The following PMM1 variants were observed in gnomAD, a reference collection of about 807,000 sequenced individuals.
The protein encoded by PMM1 is brain glucose-1,6-bisphosphatase.
In PMM1, 25 loss-of-function variants were observed where a neutral mutation model predicts 34.0. The observed-to-expected ratio is 0.73, with a 90% CI of 0.54 to 1.03. PMM1 has a LOEUF of 1.03. PMM1 is among the 50% of genes least tolerant of loss of function. The probability of loss-of-function intolerance (pLI) is 0.00; values close to 1 mark genes in which losing one functional copy is unlikely to be tolerated. For synonymous variants in PMM1, 134 were observed against 143.9 expected (o/e 0.93, Z 0.49); for missense variants, 321 against 350.1 (o/e 0.92, Z 0.66).
intron 7 of PMM1, 73 bp downstream of exon 7, chr22:41,577,735 A>G (rs920819779): frequency 1.7e-6 from 2 of 1,166,304 alleles, no homozygotes; most frequent in African/African-American, 3.0e-5. Context: ...GGTGATTTGC[A>G]TTGGAGAAGC....
Position 41,577,295 on chromosome 22 carries a change from C to T in PMM1, c.*23G>A, listed in dbSNP as rs564743006. 4.4e-5 allele frequency: 71 copies of T among 1,612,426 alleles called. No individual in the cohort carries two copies. Among genetic ancestry groups the T allele is most frequent in the African/African-American group, 3.5e-4 (26 of 75,044 alleles). On this transcript the variant is annotated 3_prime_UTR_variant, in exon 8 of 8. Coordinates refer to ENST00000216259, the MANE Select transcript of PMM1 (RefSeq NM_002676.3). ...CCTAGGCCAAACTCTTCAGAAGTCA[C>T]GACACACAGATGTGGGCCCCGGTCA...
At chr22:41,589,055 C>T in intron 1 of PMM1, 1 of 1,295,224 alleles carries the variant, frequency 7.7e-7, no homozygotes, top group Non-Finnish European at 1.0e-6. Context: ...CTCTTACCCT[C>T]ACTATTCCTC....
chr22:41,589,017 C>T (rs2067346224), intron 1 of PMM1: 3 of 1,221,494 alleles, frequency 2.5e-6, no homozygotes, highest in Non-Finnish European at 3.3e-6. Flanking sequence ...AGGCTCAACA[C>T]AGCGAGAGTC....
chr22:41,587,564 T>C (rs2147018756), intron 1 of PMM1, among the ~76,000 whole-genome samples: 1 of 151,740 alleles, frequency 6.6e-6, no homozygotes, highest in East Asian at 1.9e-4. Context: ...GAGGCTGCAG[T>C]GAGCTGTGAT....
chr22:41,578,247 G>A (rs1015880779), intron 6 of PMM1, among the ~76,000 whole-genome samples: 3 of 152,170 alleles, frequency 2.0e-5, no homozygotes, highest in Admixed American at 2.0e-4. Flanking sequence ...GAGAACGAGC[G>A]TCCCAGCAAC....
rs1170302300 is a variant in PMM1 at position 41,581,232 on chromosome 22, G to A, written c.475-2351C>T. 2.6e-5 allele frequency among the ~76,000 whole-genome samples: 4 copies of A among 152,064 alleles called. No individual in the cohort carries two copies. In the South Asian group the frequency reaches 6.2e-4, roughly 24 times the overall value. On this transcript the variant is annotated intron_variant, in intron 5 of 7. Coordinates refer to ENST00000216259, the MANE Select transcript of PMM1 (RefSeq NM_002676.3). ...CCAGCTACTCAGGAGGCTGAGGCAG[G>A]AGAATTGCTTGAGCCTAGGCAGCGA... is the stretch of plus-strand genomic sequence containing the variant.
chr22:41,577,832 G>A lies in PMM1; in HGVS notation c.642C>T (p.His214=), dbSNP rs764511181. Residue 214 remains histidine (H), a synonymous_variant, in exon 7 of 8, where the codon CAC becomes CAT. Transcript: ENST00000216259. The part of the protein sequence containing the change: ...SLDQDSFDTI[H]FFGNETSPGG... ...CAGGGCTAGTCTCGTTCCCAAAGAAGTGGATGGTGTCGAAGCTGTCCTGGT... is the reference window on the plus strand; with the variant it reads ...CAGGGCTAGTCTCGTTCCCAAAGAAATGGATGGTGTCGAAGCTGTCCTGGT... The A allele has an allele frequency of 3.1e-6, 5 of 1,613,404 alleles. No homozygotes were observed. The South Asian group carries it at 4.4e-5, about 14-fold the overall frequency.
Position 41,577,328 on chromosome 22 carries a change from T to G in PMM1, c.779A>C (p.His260Pro). 6.2e-7 allele frequency: 1 copy of G among 1,613,032 alleles called. No individual in the cohort carries two copies. Among genetic ancestry groups the G allele is most frequent in the Non-Finnish European group, 8.5e-7 (1 of 1,180,018 alleles). Reference protein sequence around the residue: ...CREIFFPETAHEA With the variant: ...CREIFFPETAPEA ...AGATGTGGGCCCCGGTCACGCCTCA[T>G]GAGCTGTCTCTGGGAAGAAAATCTC... Residue 260 changes from histidine (H) to proline (P), a missense_variant, in exon 8 of 8, where the codon CAT becomes CCT. By Grantham distance (77) the His-to-Pro change is moderately conservative (BLOSUM62 -2). Transcript: ENST00000216259.
At chr22:41,589,476 G>A (rs763895556) in intron 1 of PMM1, 39 of 587,634 alleles carry the variant, frequency 6.6e-5, no homozygotes, top group Non-Finnish European at 1.0e-4. Flanking sequence ...CCTCCCTCCA[G>A]TACTGGATCC....
chr22:41,579,296 G>A (rs1376572175), intron 5 of PMM1: 1 of 193,648 alleles, frequency 5.2e-6, no homozygotes, highest in East Asian at 1.2e-4. Flanking sequence ...GGAGACCTGT[G>A]AGGAGGTGGC....
chr22:41,589,556 C>T (rs2067355989), intron 1 of PMM1, 163 bp downstream of exon 1: 1 of 631,904 alleles, frequency 1.6e-6, no homozygotes, highest in South Asian at 1.9e-5. Flanking sequence ...GCCAGGTCCC[C>T]TCACTCCCGG....
rs2067286049 is a variant in PMM1 at position 41,584,538 on chromosome 22, G to A, written c.271C>T (p.Leu91Phe). The change falls in exon 3 of 8, where the codon CTC becomes TTC. Residue 91 changes from leucine to phenylalanine, a missense_variant. Physicochemically the swap from Leu to Phe is conservative, Grantham distance 22. Coordinates refer to ENST00000216259, the MANE Select transcript of PMM1 (RefSeq NM_002676.3). The stretch of plus-strand genomic sequence containing the variant: ...TGGGGGACACTGACCTGCTTGGAGA[G>A]CAGTCGTCCGTGCTTATACTGCACC... The part of the protein sequence containing the change: ...GTVQYKHGRL[L>F]SKQTIQNHLG... 1 of 1,613,518 alleles carries A rather than the reference G, an allele frequency of 6.2e-7. No homozygotes were observed. Among genetic ancestry groups the A allele is most frequent in the East Asian group, 2.2e-5 (1 of 44,878 alleles).
intron 5 of PMM1, among the ~76,000 whole-genome samples, chr22:41,581,144 C>CAAACCA (rs377451843): frequency 2.7e-5 from 4 of 147,264 alleles, no homozygotes; most frequent in African/African-American, 5.0e-5. Flanking sequence ...AACCCAAAAC[C>CAAACCA]AAACCAAAAC....
In PMM1 at chr22:41,584,533, G is replaced by A. The variant is rs1467617831; in HGVS notation, c.276C>T (p.Ser92=). The change falls in exon 3 of 8, where the codon TCC becomes TCT. Residue 92 remains serine, a synonymous_variant. Transcript: ENST00000216259. Reference sequence around the variant, plus strand: ...AGCCCTGGGGGACACTGACCTGCTTGGAGAGCAGTCGTCCGTGCTTATACT... The same window carrying A: ...AGCCCTGGGGGACACTGACCTGCTTAGAGAGCAGTCGTCCGTGCTTATACT... ...TVQYKHGRLL[S]KQTIQNHLGE... 2 of 1,613,046 alleles carry A rather than the reference G, an allele frequency of 1.2e-6. No individual in the cohort carries two copies. The highest frequency in any genetic ancestry group is 1.7e-6 in the Non-Finnish European group (2 of 1,179,156).
intron 1 of PMM1, chr22:41,589,147 C>T: frequency 7.7e-7 from 1 of 1,303,280 alleles, no homozygotes. Context: ...TGAAAAGAAG[C>T]CCTCTCTGCT....
At chr22:41,578,204 T>C (rs2067196781) in intron 6 of PMM1, among the ~76,000 whole-genome samples, 1 of 151,940 alleles carries the variant, frequency 6.6e-6, no homozygotes, top group African/African-American at 2.4e-5. Context: ...TGGGGATGGC[T>C]GGGGCGCAAA....
At chr22:41,585,371 C>T (rs1451489441) in intron 2 of PMM1, 1 of 152,124 alleles carries the variant, frequency 6.6e-6, no homozygotes, top group African/African-American at 2.4e-5. Flanking sequence ...GGGATGATCA[C>T]GCCTACTCTA....
Position 41,578,798 on chromosome 22 carries a change from G to T in PMM1, c.550+8C>A. 1 of 1,612,748 alleles carries T rather than the reference G, an allele frequency of 6.2e-7. No homozygotes were observed. The highest frequency in any genetic ancestry group is 8.5e-7 in the Non-Finnish European group (1 of 1,178,866). ...AGGCCTCCCAGGTCCTCTGCAGGGT[G>T]GACGTACCTCGAGAGAACCTCAGCC... is the stretch of plus-strand genomic sequence containing the variant. On this transcript the variant is annotated splice_region_variant and intron_variant, in intron 6 of 7. Coordinates refer to ENST00000216259, the MANE Select transcript of PMM1 (RefSeq NM_002676.3).
At chr22:41,577,944 T>G in intron 6 of PMM1, 21 bp from the exon 7 acceptor site, 2 of 1,555,632 alleles carry the variant, frequency 1.3e-6, no homozygotes, top group Non-Finnish European at 1.8e-6. Context: ...GGGTGGGGAC[T>G]GTTATTCCCT....
Sources: gnomAD v4.1 joint callset for allele counts (sites outside exome capture counted in the v4.1 genomes callset) on GRCh38, gnomAD v4.1.1 for gene constraint, MANE v1.5 for transcripts, NCBI Gene and HGNC (gene_info 2026-07-23, HGNC 2026-07-21) for gene names.